Variants in ACTG2 observed in about 807,000 individuals in gnomAD.
ACTG2 encodes actin, gamma-enteric smooth muscle.
A neutral mutation model predicts 37.6 loss-of-function variants in ACTG2; 16 were observed. The ratio of observed to expected loss-of-function variants is 0.43; its 90% CI spans 0.29 to 0.65. ACTG2 has a LOEUF of 0.65. Among genes scored for constraint, ACTG2 ranks in the 30% least tolerant of loss-of-function variants. The pLI is 0.18. For missense variants in ACTG2, 238 were observed against 490.9 expected, an observed-to-expected ratio of 0.48 and a Z score of 4.87; for synonymous variants, 181 against 179.9, an observed-to-expected ratio of 1.01 and a Z score of -0.05.
intron 2 of ACTG2, among the ~76,000 whole-genome samples, chr2:73,902,041 C>CTGTGTGTGTGTGTGTGTGTGTGTGTCTG (rs34360898): frequency 4.6e-5 from 6 of 131,398 alleles, no homozygotes; most frequent in African/African-American, 1.5e-4. Flanking sequence ...GTGTGTGTGT[C>CTGTGTGTGTGTGTGTGTGTGTGTGTCTG]TGTGTGTGTG....
chr2:73,894,921 G>A (rs1384160550), intron 1 of ACTG2, among the ~76,000 whole-genome samples: 1 of 152,218 alleles, frequency 6.6e-6, no homozygotes, highest in Non-Finnish European at 1.5e-5. Context: ...AATCTGGAGG[G>A]TATCTGTTGA....
At position 73,902,370 on chromosome 2, in the gene ACTG2, T is replaced by C; in HGVS notation, c.137T>C (p.Val46Ala). The C allele has an allele frequency of 1.9e-6, 3 of 1,613,890 alleles. No homozygotes were observed. The highest frequency in any genetic ancestry group is 2.5e-6 in the Non-Finnish European group (3 of 1,179,960). The change falls in exon 3 of 9, where the codon GTG (valine) becomes GCG (alanine). Residue 46 changes from valine (V) to alanine (A), a missense_variant. Coordinates refer to ENST00000345517, the MANE Select transcript of ACTG2 (RefSeq NM_001615.4). ...VGRPRHQGVM[V>A]GMGQKDSYVG... ...CTTTTTGCATTGCAGGGTGTGATGGTGGGAATGGGCCAGAAAGACAGCTAT... is the reference window on the plus strand; with the variant it reads ...CTTTTTGCATTGCAGGGTGTGATGGCGGGAATGGGCCAGAAAGACAGCTAT...
Position 73,901,513 on chromosome 2 carries a change from TG to T in ACTG2, c.126+81del, listed in dbSNP as rs754508567. On this transcript the variant is annotated intron_variant, in intron 2 of 8. Transcript: ENST00000345517. ...CTGCACTGTGGAGACCCTGCTGAGC[TG>T]GGGGTTAGGGGAAGGAAATGTGTGT... 130 of 1,377,224 alleles carry T rather than the reference TG, an allele frequency of 9.4e-5. 1 individual carries two copies. Among genetic ancestry groups the T allele is most frequent in the Non-Finnish European group, 8.6e-6 (9 of 1,052,024 alleles). 85.3% of individuals were successfully genotyped at this position (1,377,224 alleles called of 1,614,324 possible). A position where few individuals can be genotyped will look rare whatever the true frequency, so the allele number is the denominator to read the frequency against.
At position 73,902,899 on chromosome 2, in the gene ACTG2, A is replaced by T. The variant is rs370647676; in HGVS notation, c.255+411A>T. 6 of 913,286 alleles carry T rather than the reference A, an allele frequency of 6.6e-6. No individual in the cohort carries two copies. In the African/African-American group the frequency reaches 1.0e-4, roughly 15 times the overall value. The allele number at this position is 913,286 out of a possible 1,614,324, so 56.6% of individuals were successfully genotyped here. A position where few individuals can be genotyped will look rare whatever the true frequency, so the allele number is the denominator to read the frequency against. ...ATCCCCGCGATCATCTTTTCCTGCA[A>T]TATTTACTCAGGCCAGTGCTCACCC... On this transcript the variant is annotated intron_variant, in intron 3 of 8. Coordinates refer to ENST00000345517, the MANE Select transcript of ACTG2 (RefSeq NM_001615.4).
At chr2:73,910,444 G>A (rs1486753625) in intron 5 of ACTG2, among the ~76,000 whole-genome samples, 1 of 104,732 alleles carries the variant, frequency 9.5e-6, no homozygotes, top group African/African-American at 3.7e-5. Context: ...TCGGCTCATT[G>A]CAACCTCTGT....
chr2:73,918,171 C>G (rs1185838515), intron 8 of ACTG2, among the ~76,000 whole-genome samples: 1 of 152,116 alleles, frequency 6.6e-6, no homozygotes, highest in Non-Finnish European at 1.5e-5. Context: ...CAGGTGTGTG[C>G]TTATATGAGC....
Position 73,914,735 on chromosome 2 carries a change from T to C in ACTG2, c.669T>C (p.Asp223=), listed in dbSNP as rs1262310163. ...IKEKLCYVAL[D]FENEMATAAS... ...AGAAGCTGTGCTATGTGGCCCTGGA[T>C]TTTGAGAATGAGATGGCCACAGCAG... Residue 223 remains aspartate (D), a synonymous_variant, in exon 7 of 9, where the codon GAT becomes GAC. Transcript: ENST00000345517. 4.3e-6 allele frequency: 7 copies of C among 1,611,442 alleles called. No homozygotes were observed. Among genetic ancestry groups the C allele is most frequent in the Non-Finnish European group, 5.9e-6 (7 of 1,178,790 alleles).
At chr2:73,912,708 C>T (rs959356399) in intron 5 of ACTG2, among the ~76,000 whole-genome samples, 8 of 152,110 alleles carry the variant, frequency 5.3e-5, no homozygotes, top group African/African-American at 1.9e-4. Flanking sequence ...TCTGTTGGGT[C>T]TTCTGTATAA....
chr2:73,916,452 T>C, intron 7 of ACTG2, 132 bp from the exon 8 acceptor site: 1 of 748,090 alleles, frequency 1.3e-6, no homozygotes, highest in Non-Finnish European at 2.1e-6. Flanking sequence ...TATGATCTTA[T>C]AATCCTTCTG....
Position 73,902,429 on chromosome 2 carries a change from C to T in ACTG2, c.196C>T (p.Leu66=). The T allele has an allele frequency of 1.2e-6, 2 of 1,614,054 alleles. No homozygotes were observed. Among genetic ancestry groups the T allele is most frequent in the Non-Finnish European group, 8.5e-7 (1 of 1,180,006 alleles). ...TGAGGCTCAGAGCAAGCGAGGGATC[C>T]TAACTCTCAAATACCCCATTGAACA... ...GDEAQSKRGI[L]TLKYPIEHGI... The change falls in exon 3 of 9, where the codon CTA becomes TTA. Residue 66 remains leucine, a synonymous_variant. Coordinates refer to ENST00000345517, the MANE Select transcript of ACTG2 (RefSeq NM_001615.4).
chr2:73,894,970 A>G (rs566029138), intron 1 of ACTG2, among the ~76,000 whole-genome samples: 1 of 152,284 alleles, frequency 6.6e-6, no homozygotes, highest in Admixed American at 6.5e-5. Context: ...GTGGACTGGA[A>G]CAGGGCAAGA....
At chr2:73,897,435 A>G (rs1288926491) in intron 1 of ACTG2, 2 of 152,328 alleles carry the variant, frequency 1.3e-5, no homozygotes, top group Non-Finnish European at 2.9e-5. Context: ...AAGGTGGACC[A>G]CCTGCTAGAA....
chr2:73,902,677 C>A, intron 3 of ACTG2, 189 bp downstream of exon 3: 1 of 1,551,868 alleles, frequency 6.4e-7, no homozygotes, highest in Non-Finnish European at 8.7e-7. Context: ...TGGACTATTG[C>A]AATGGCTTCC....
At chr2:73,908,820 A>G (rs770187116) in intron 4 of ACTG2, 37 bp downstream of exon 4, 1 of 1,526,466 alleles carries the variant, frequency 6.6e-7, no homozygotes, top group South Asian at 1.1e-5. Flanking sequence ...TGGCATAAGA[A>G]TGCAACATGG....
At position 73,901,320 on chromosome 2, in the gene ACTG2, A is replaced by G. The variant is rs1220246962; in HGVS notation, c.9A>G (p.Glu3=). MC[E]EETTALVCDN... ...ACTCAGCCACACACACCATGTGTGA[A>G]GAGGAGACCACCGCGCTCGTGTGTG... Residue 3 remains glutamate, a synonymous_variant, in exon 2 of 9, where the codon GAA becomes GAG. Coordinates refer to ENST00000345517, the MANE Select transcript of ACTG2 (RefSeq NM_001615.4). The G allele has an allele frequency of 6.2e-7, 1 of 1,606,798 alleles. No homozygotes were observed. Among genetic ancestry groups the G allele is most frequent in the East Asian group, 2.2e-5 (1 of 44,578 alleles).
intron 7 of ACTG2, among the ~76,000 whole-genome samples, chr2:73,915,601 T>C (rs6711230): frequency 0.087 from 13,268 of 151,876 alleles, 1,405 homozygotes; most frequent in African/African-American, 0.25. Flanking sequence ...CCTTTTGCTC[T>C]AGAAGACTGT....
chr2:73,907,396 A>G (rs949806047), intron 3 of ACTG2, among the ~76,000 whole-genome samples: 58 of 152,162 alleles, frequency 3.8e-4, no homozygotes, highest in African/African-American at 1.2e-3. Context: ...ACTTTGCCCA[A>G]TCCCTCTGAA....
At chr2:73,916,285 A>G (rs1248562689) in intron 7 of ACTG2, among the ~76,000 whole-genome samples, 1 of 151,742 alleles carries the variant, frequency 6.6e-6, no homozygotes, top group Non-Finnish European at 1.5e-5. Context: ...CTGAGACATG[A>G]GAATCACTTG....
At chr2:73,901,542 GT>G in intron 2 of ACTG2, 105 bp downstream of exon 2, 1 of 71,308 alleles carries the variant, frequency 1.4e-5, no homozygotes, top group Non-Finnish European at 2.4e-5. Flanking sequence ...ATGTGTGTGT[GT>G]GTGTGTGTGT....
Sources: allele counts gnomAD v4.1 joint callset (sites outside exome capture counted in the v4.1 genomes callset), GRCh38; gene constraint gnomAD v4.1.1; transcripts MANE v1.5; gene names NCBI Gene and HGNC (gene_info 2026-07-23, HGNC 2026-07-21).